MMGT1: variants seen among roughly 807,000 people sequenced by gnomAD.
MMGT1 encodes ER membrane protein complex subunit 5.
Under a neutral mutation model 11.7 loss-of-function variants are expected in MMGT1, and 2 were observed. The ratio of observed to expected loss-of-function variants is 0.17; its 90% CI spans 0.07 to 0.54. The LOEUF is 0.54. Ranked by LOEUF, MMGT1 falls within the 20% of genes least tolerant of loss-of-function variation. The pLI is 0.94. For synonymous variants in MMGT1, 49 were observed against 44.4 expected (o/e 1.10, Z -0.41); for missense variants, 74 against 109.0 (o/e 0.68, Z 1.43).
At chrX:135,970,984 T>TAAA in intron 2 of MMGT1, 74 bp downstream of exon 2, 1 of 673,969 alleles carries the variant, frequency 1.5e-6, no homozygotes, top group Admixed American at 3.1e-5. Context: ...GAAAAACCAG[T>TAAA]AAAAAAAAAA....
At position 135,973,872 on chromosome X, in the gene MMGT1, G is replaced by A; in HGVS notation, c.-197C>T. On this transcript the variant is annotated 5_prime_UTR_variant, in exon 1 of 4. Transcript: ENST00000305963. ...GCCGGGAAGAAGCAGAAAGCTACACGGAAAAAGGTCCGCGAGAACCCACGA... is the reference window on the plus strand; with the variant it reads ...GCCGGGAAGAAGCAGAAAGCTACACAGAAAAAGGTCCGCGAGAACCCACGA... The A allele has an allele frequency of 5.2e-6, 6 of 1,157,526 alleles. No homozygotes were observed. Among genetic ancestry groups the A allele is most frequent in the Non-Finnish European group, 6.9e-6 (6 of 869,055 alleles).
chrX:135,965,041 C>T lies in MMGT1; in HGVS notation c.379G>A (p.Glu127Lys), dbSNP rs782324212. 1 of 1,208,147 alleles carries T rather than the reference C, an allele frequency of 8.3e-7. No individual in the cohort carries two copies. The change falls in exon 4 of 4, where the codon GAA (glutamate) becomes AAA (lysine). Residue 127 changes from glutamate to lysine, a missense_variant. Transcript: ENST00000305963. ...SNTSLKLRKL[E>K]SLRR The stretch of plus-strand genomic sequence containing the variant: ...TAAAAATCTTAACGACGCAGTGATT[C>T]GAGTTTTCGTAACTTCAATGATGTG...
intron 3 of MMGT1, among the ~76,000 whole-genome samples, chrX:135,966,836 A>G (rs1556612001): frequency 8.9e-6 from 1 of 111,860 alleles, no homozygotes; most frequent in African/African-American, 3.3e-5. Context: ...AAAATAGCTT[A>G]GAAGTAGTCC....
rs1556611830 is a variant in MMGT1 at position 135,965,170 on chromosome X, A to T, written c.250T>A (p.Leu84Ile). ...SELKNKTFDT[L>I]RNHPSFYVFN... ...ACATAAAAGGATGGGTGATTCCTTA[A>T]CGTATCAAATGTCCTTGAAAGAAGA... The change falls in exon 4 of 4, where the codon TTA becomes ATA. Residue 84 changes from leucine (L) to isoleucine (I), a missense_variant. Leu to Ile is a conservative substitution (Grantham distance 5, BLOSUM62 2). Coordinates refer to ENST00000305963, the MANE Select transcript of MMGT1 (RefSeq NM_173470.3). 9 of 1,203,988 alleles carry T rather than the reference A, an allele frequency of 7.5e-6. No homozygotes were observed. In the South Asian group the frequency reaches 1.6e-4, roughly 21 times the overall value.
intron 3 of MMGT1, among the ~76,000 whole-genome samples, chrX:135,966,293 C>T (rs2089184819): frequency 8.9e-6 from 1 of 112,245 alleles, no homozygotes; most frequent in Admixed American, 9.5e-5. Context: ...ATATGTAACT[C>T]CTTAAAATGT....
chrX:135,970,913 GAGAAAAGAAA>G lies in MMGT1; in HGVS notation c.132+135_132+144del, dbSNP rs781928274. 19 of 422,288 alleles carry G rather than the reference GAGAAAAGAAA, an allele frequency of 4.5e-5. 1 individual carries two copies. Among genetic ancestry groups the G allele is most frequent in the South Asian group, 1.8e-4 (5 of 28,043 alleles). 34.8% of individuals were successfully genotyped at this position (422,288 alleles called of 1,213,427 possible). A position where few individuals can be genotyped will look rare whatever the true frequency, so the allele number is the denominator to read the frequency against. ...GACAGAGTGAGACTCCGTCTCAAAA[GAGAAAAGAAA>G]AGAAAAGAAAAGTGGAGATCAGATT... On this transcript the variant is annotated intron_variant, in intron 2 of 3. Transcript: ENST00000305963.
At chrX:135,970,818 A>G (rs1350888088) in intron 2 of MMGT1, among the ~76,000 whole-genome samples, 1 of 112,215 alleles carries the variant, frequency 8.9e-6, no homozygotes. Context: ...CTGTGGCAGG[A>G]GAATGGTGTG....
chrX:135,967,144 A>G (rs1266642796), intron 3 of MMGT1, among the ~76,000 whole-genome samples: 2 of 112,035 alleles, frequency 1.8e-5, no homozygotes, highest in East Asian at 2.8e-4. Context: ...TCATCCATAC[A>G]ACCAACCAAT....
chrX:135,969,229 TACAG>T (rs1427878471), intron 2 of MMGT1, among the ~76,000 whole-genome samples: 8 of 110,669 alleles, frequency 7.2e-5, no homozygotes, highest in South Asian at 3.8e-4. Flanking sequence ...TATATTTAAT[TACAG>T]ACAAAGTCAA....
intron 2 of MMGT1, among the ~76,000 whole-genome samples, chrX:135,968,001 C>T (rs1371676299): frequency 4.5e-5 from 5 of 111,061 alleles, no homozygotes; most frequent in African/African-American, 6.6e-5. Flanking sequence ...TACAGGCATG[C>T]GCCACCACGC....
chrX:135,972,716 T>C (rs2089226349), intron 1 of MMGT1, among the ~76,000 whole-genome samples: 1 of 111,887 alleles, frequency 8.9e-6, no homozygotes, highest in Non-Finnish European at 1.9e-5. Flanking sequence ...CGCATACAAA[T>C]CACCCTGGGA....
rs2089169024 is a variant in MMGT1, at chrX:135,963,633, G to A, written c.*1391C>T. 1 of 112,022 alleles carries A rather than the reference G, an allele frequency of 8.9e-6. No homozygotes were observed. Among genetic ancestry groups the A allele is most frequent in the Non-Finnish European group, 1.9e-5 (1 of 53,172 alleles). 9.2% of individuals were successfully genotyped at this position (112,022 alleles called of 1,213,427 possible). A position where few individuals can be genotyped will look rare whatever the true frequency, so the allele number is the denominator to read the frequency against. On this transcript the variant is annotated 3_prime_UTR_variant, in exon 4 of 4. Transcript: ENST00000305963. Reference sequence around the variant, plus strand: ...CAATGAAAAATAATCTCATGCTTTGGGGCTATGTGTTACCAGTCAGAAGAG... The same window carrying A: ...CAATGAAAAATAATCTCATGCTTTGAGGCTATGTGTTACCAGTCAGAAGAG...
intron 2 of MMGT1, among the ~76,000 whole-genome samples, chrX:135,969,941 A>G (rs1460614034): frequency 1.8e-5 from 2 of 112,034 alleles, no homozygotes; most frequent in Non-Finnish European, 3.8e-5. Flanking sequence ...TGTTTTTATA[A>G]TTGTGTAGGG....
intron 2 of MMGT1, among the ~76,000 whole-genome samples, chrX:135,968,735 T>C: frequency 9.0e-6 from 1 of 110,982 alleles, no homozygotes; most frequent in East Asian, 2.8e-4. Flanking sequence ...TTCACCATGT[T>C]GGCCAGGCTG....
Position 135,962,052 on chromosome X carries a change from C to T in MMGT1, c.*2972G>A, listed in dbSNP as rs2089158587. ...GATTAAAAGTCCAAAAAAAAAAAGC[C>T]CAAAAAACACTACCAAAAACAGGGT... is the stretch of plus-strand genomic sequence containing the variant. On this transcript the variant is annotated 3_prime_UTR_variant, in exon 4 of 4. Transcript: ENST00000305963. The T allele has an allele frequency of 9.2e-6, 1 of 109,265 alleles. No homozygotes were observed. The highest frequency in any genetic ancestry group is 3.9e-4 in the South Asian group (1 of 2,583). 9.0% of individuals were successfully genotyped at this position (109,265 alleles called of 1,213,427 possible). A position where few individuals can be genotyped will look rare whatever the true frequency, so the allele number is the denominator to read the frequency against.
Position 135,961,721 on chromosome X carries a change from G to A in MMGT1, c.*3303C>T, listed in dbSNP as rs962013585. On this transcript the variant is annotated 3_prime_UTR_variant, in exon 4 of 4. Coordinates refer to ENST00000305963, the MANE Select transcript of MMGT1 (RefSeq NM_173470.3). ...GCTTCCTTGATGCTTTAATCATAAC[G>A]ATTTCCTATTAAGTATAAAGTGACA... Among the ~76,000 whole-genome samples, 1 of 111,299 alleles carries A rather than the reference G, an allele frequency of 9.0e-6. No individual in the cohort carries two copies. The highest frequency in any genetic ancestry group is 1.9e-5 in the Non-Finnish European group (1 of 53,048).
At chrX:135,969,658 C>T (rs1556612394) in intron 2 of MMGT1, among the ~76,000 whole-genome samples, 1 of 112,101 alleles carries the variant, frequency 8.9e-6, no homozygotes, top group Non-Finnish European at 1.9e-5. Flanking sequence ...TTTTATATAA[C>T]ACAGTCACAG....
In MMGT1 at chrX:135,964,830, C is replaced by A; in HGVS notation, c.*194G>T. ...TAATTCCTATATGAAATACCAAAGA[C>A]TCATTTCACATATAACTTACACTGC... On this transcript the variant is annotated 3_prime_UTR_variant, in exon 4 of 4. Coordinates refer to ENST00000305963, the MANE Select transcript of MMGT1 (RefSeq NM_173470.3). The A allele has an allele frequency of 3.0e-6, 1 of 330,062 alleles. No homozygotes were observed. The highest frequency in any genetic ancestry group is 4.6e-5 in the Admixed American group (1 of 21,864). 27.2% of individuals were successfully genotyped at this position (330,062 alleles called of 1,213,427 possible). A position where few individuals can be genotyped will look rare whatever the true frequency, so the allele number is the denominator to read the frequency against.
In MMGT1 at chrX:135,969,741, T is replaced by C. The variant is rs782218394; in HGVS notation, c.132+1317A>G. On this transcript the variant is annotated intron_variant, in intron 2 of 3. Coordinates refer to ENST00000305963, the MANE Select transcript of MMGT1 (RefSeq NM_173470.3). ...AGTTGTTAAGTAATAAAAAAGTTAA[T>C]TATAAAACTATACATATATACACAT... 1.2e-3 allele frequency among the ~76,000 whole-genome samples: 134 copies of C among 112,560 alleles called. 1 individual carries two copies. Among genetic ancestry groups the C allele is most frequent in the African/African-American group, 4.1e-3 (127 of 31,004 alleles).
Sources: gnomAD v4.1 joint callset for allele counts (sites outside exome capture counted in the v4.1 genomes callset) on GRCh38, gnomAD v4.1.1 for gene constraint, MANE v1.5 for transcripts, NCBI Gene and HGNC (gene_info 2026-07-23, HGNC 2026-07-21) for gene names.